Variants in PAXBP1 observed in about 807,000 individuals in gnomAD.
PAXBP1 encodes PAX3- and PAX7-binding protein 1.
In PAXBP1, 44 loss-of-function variants were observed where a neutral mutation model predicts 119.9. The ratio of observed to expected loss-of-function variants is 0.37; its 90% confidence interval spans 0.29 to 0.47. The LOEUF (loss-of-function observed/expected upper bound fraction) is 0.47. Ranked by LOEUF, PAXBP1 falls within the 20% of genes least tolerant of loss-of-function variation. The pLI is 0.99. For synonymous variants in PAXBP1, 393 were observed against 406.6 expected, an observed-to-expected ratio of 0.97 and a Z score of 0.40; for missense variants, 898 against 1,134.1, an observed-to-expected ratio of 0.79 and a Z score of 2.99.
chr21:32,767,324 C>A (rs184195763), intron 2 of PAXBP1, among the ~76,000 whole-genome samples: 4 of 152,256 alleles, frequency 2.6e-5, no homozygotes, highest in Admixed American at 2.0e-4. Flanking sequence ...TTACCAATGA[C>A]AACCTACAAT....
At position 32,771,488 on chromosome 21, in the gene PAXBP1, GC is replaced by G; in HGVS notation, c.180del (p.Pro61ArgfsTer7). 1 of 1,327,950 alleles carries G rather than the reference GC, an allele frequency of 7.5e-7. No individual in the cohort carries two copies. The highest frequency in any genetic ancestry group is 9.6e-7 in the Non-Finnish European group (1 of 1,045,578). 82.3% of individuals were successfully genotyped at this position (1,327,950 alleles called of 1,614,324 possible). A position where few individuals can be genotyped will look rare whatever the true frequency, so the allele number is the denominator to read the frequency against. On this transcript the variant is annotated frameshift_variant, in exon 1 of 18. Transcript: ENST00000331923. LOFTEE classifies it high-confidence loss of function. ...APGGESLLGPGPSPPSALTPG... is the reference protein window; with the variant it reads ...APGGESLLGPXPSPPSALTPG... ...GGGGTCAGCGCGGAAGGCGGCGACG[GC>G]CCCGGGCCCAGCAGCGACTCCCCGC...
chr21:32,758,644 T>TAAAAAAAAAAAAAA (rs138934420), intron 7 of PAXBP1, among the ~76,000 whole-genome samples: 1 of 104,108 alleles, frequency 9.6e-6, no homozygotes, highest in Non-Finnish European at 2.0e-5. Context: ...TCATCCAGGG[T>TAAAAAAAAAAAAAA]AAAAAAAAAA....
At chr21:32,747,766 G>A (rs1218659804) in intron 11 of PAXBP1, among the ~76,000 whole-genome samples, 1 of 151,332 alleles carries the variant, frequency 6.6e-6, no homozygotes. Flanking sequence ...AGGCCAATAG[G>A]TCCTCTTGAT....
At position 32,748,839 on chromosome 21, in the gene PAXBP1, T is replaced by C; in HGVS notation, c.1724-141A>G. On this transcript the variant is annotated intron_variant, in intron 10 of 17. Transcript: ENST00000331923. ...CAAAGGGCCAATTGTTAGTCACAAT[T>C]TAGAAGAAAAAAATAAATTGAAGTT... The C allele has an allele frequency of 5.9e-6, 4 of 680,318 alleles. 1 individual carries two copies. In the South Asian group the frequency reaches 9.3e-5, roughly 16 times the overall value. The allele number at this position is 680,318 out of a possible 1,614,324, so 42.1% of individuals were successfully genotyped here.
intron 8 of PAXBP1, among the ~76,000 whole-genome samples, chr21:32,753,148 A>C (rs1322109330): frequency 6.6e-6 from 1 of 152,062 alleles, no homozygotes; most frequent in East Asian, 1.9e-4. Flanking sequence ...GTTTTCCTTC[A>C]AGAAATATTT....
chr21:32,761,242 A>G, intron 4 of PAXBP1, 80 bp from the exon 5 acceptor site: 2 of 1,027,460 alleles, frequency 1.9e-6, no homozygotes, highest in Non-Finnish European at 3.0e-6. Context: ...ACATTTCACA[A>G]GAACTGAGCA....
At chr21:32,767,823 A>G (rs1163722211) in intron 2 of PAXBP1, among the ~76,000 whole-genome samples, 4 of 152,324 alleles carry the variant, frequency 2.6e-5, no homozygotes, top group East Asian at 1.9e-4. Flanking sequence ...TATCAGCAGC[A>G]TGAAAACAGA....
intron 10 of PAXBP1, among the ~76,000 whole-genome samples, chr21:32,750,259 T>C (rs371991264): frequency 6.6e-6 from 1 of 152,206 alleles, no homozygotes; most frequent in African/African-American, 2.4e-5. Context: ...TCTCCTTGTA[T>C]AAAGAGCCAG....
At chr21:32,756,797 T>C in intron 7 of PAXBP1, 1 of 157,460 alleles carries the variant, frequency 6.4e-6, no homozygotes, top group Admixed American at 6.4e-5. Flanking sequence ...CAGAATATAA[T>C]TTTGCAACAT....
At chr21:32,765,516 T>C (rs796185495) in intron 2 of PAXBP1, among the ~76,000 whole-genome samples, 4 of 152,278 alleles carry the variant, frequency 2.6e-5, no homozygotes, top group African/African-American at 9.6e-5. Context: ...AAGCAAAAGT[T>C]TATTCTCAAT....
chr21:32,744,756 GAAA>G (rs78287607), intron 13 of PAXBP1, 33 bp downstream of exon 13: 19 of 1,182,672 alleles, frequency 1.6e-5, no homozygotes, highest in South Asian at 6.4e-5. Flanking sequence ...ACAGAAAGAG[GAAA>G]AAAAAAAAAG....
At chr21:32,761,855 C>T (rs1212814673) in intron 4 of PAXBP1, among the ~76,000 whole-genome samples, 1 of 152,048 alleles carries the variant, frequency 6.6e-6, no homozygotes, top group African/African-American at 2.4e-5. Flanking sequence ...CACAGTGAGA[C>T]CCCATAACTA....
At chr21:32,769,062 T>C (rs538660202) in intron 2 of PAXBP1, among the ~76,000 whole-genome samples, 2 of 152,236 alleles carry the variant, frequency 1.3e-5, no homozygotes, top group East Asian at 1.9e-4. Context: ...TTATGAGATA[T>C]TGTCTTCACA....
At position 32,751,218 on chromosome 21, in the gene PAXBP1, T is replaced by C. The variant is rs369726021; in HGVS notation, c.1508A>G (p.Asn503Ser). 2 of 1,613,720 alleles carry C rather than the reference T, an allele frequency of 1.2e-6. No individual in the cohort carries two copies. The highest frequency in any genetic ancestry group is 2.7e-5 in the African/African-American group (2 of 74,942). Residue 503 changes from asparagine (N) to serine (S), a missense_variant and splice_region_variant, in exon 9 of 18, where the codon AAC becomes AGC. Around this residue, in one of 2 missense-constraint regions of PAXBP1, gnomAD observed 599 missense variants for 852.7 expected, o/e 0.70. Coordinates refer to ENST00000331923, the MANE Select transcript of PAXBP1 (RefSeq NM_016631.4). The part of the protein sequence containing the change: ...DESSEFSSHS[N>S]KALMAPNLDS... ...AAGATTTGGTGCCATCAGAGCTTTG[T>C]CTGCAAAACAACAACAGTTAAAATT...
chr21:32,743,087 A>C lies in PAXBP1; in HGVS notation c.2334+161T>G, dbSNP rs1240177307. On this transcript the variant is annotated intron_variant, in intron 15 of 17. Transcript: ENST00000331923. ...TTCTCCTGTGAAAATATCAAACTTG[A>C]ATGAACTTTTGGAATAAAATACTTT... 2.6e-5 allele frequency: 19 copies of C among 718,106 alleles called. No homozygotes were observed. In the East Asian group the frequency reaches 5.0e-4, roughly 19 times the overall value. The allele number at this position is 718,106 out of a possible 1,614,324, so 44.5% of individuals were successfully genotyped here.
At chr21:32,763,132 T>C (rs757336820) in intron 3 of PAXBP1, among the ~76,000 whole-genome samples, 9 of 152,172 alleles carry the variant, frequency 5.9e-5, no homozygotes, top group Admixed American at 6.5e-5. Context: ...TCCATAAACA[T>C]AATTTTTAAT....
At chr21:32,744,743 T>A in intron 13 of PAXBP1, 49 bp downstream of exon 13, 1 of 1,498,868 alleles carries the variant, frequency 6.7e-7, no homozygotes, top group East Asian at 2.4e-5. Context: ...TTGCTCATAT[T>A]CAACAGAAAG....
intron 2 of PAXBP1, among the ~76,000 whole-genome samples, chr21:32,769,522 T>G (rs1471596474): frequency 6.6e-6 from 1 of 152,204 alleles, no homozygotes; most frequent in Non-Finnish European, 1.5e-5. Flanking sequence ...TAGGCTAAAA[T>G]GAGAAACCTT....
Position 32,759,880 on chromosome 21 carries a change from C to T in PAXBP1, c.1090G>A (p.Asp364Asn), listed in dbSNP as rs1186106111. The change falls in exon 6 of 18, where the codon GAT (aspartate) becomes AAT (asparagine). Residue 364 changes from aspartate (D) to asparagine (N), a missense_variant. Physicochemically the swap from Asp to Asn is conservative, Grantham distance 23. This residue lies in a region of PAXBP1 where 599 missense variants were observed against 852.7 expected (regional missense o/e 0.70). Coordinates refer to ENST00000331923, the MANE Select transcript of PAXBP1 (RefSeq NM_016631.4). ...TTATCTGTTTTTTGAGATTTGGCATCTGATGATCCATAGGCCGTATAACTA... is the reference window on the plus strand; with the variant it reads ...TTATCTGTTTTTTGAGATTTGGCATTTGATGATCCATAGGCCGTATAACTA... ...PYSYTAYGSSDAKSQKTDNTV... is the reference protein window; with the variant it reads ...PYSYTAYGSSNAKSQKTDNTV... The T allele has an allele frequency of 6.2e-7, 1 of 1,613,694 alleles. No individual in the cohort carries two copies. The highest frequency in any genetic ancestry group is 1.7e-5 in the Admixed American group (1 of 60,016).
Sources: allele counts gnomAD v4.1 joint callset (sites outside exome capture counted in the v4.1 genomes callset), GRCh38; gene constraint gnomAD v4.1.1; regional missense constraint gnomAD v4.1.1; transcripts MANE v1.5; gene names NCBI Gene and HGNC (gene_info 2026-07-23, HGNC 2026-07-21).